The following DENND2B variants were observed in gnomAD, a reference collection of about 807,000 sequenced individuals.
DENND2B encodes the protein DENN domain-containing protein 2B.
Under a neutral mutation model 116.0 loss-of-function variants are expected in DENND2B, and 32 were observed. The observed-to-expected ratio is 0.28, with a 90% confidence interval of 0.21 to 0.37. DENND2B has a LOEUF of 0.37. Among genes scored for constraint, DENND2B ranks in the 10% least tolerant of loss-of-function variants. The pLI is 1.00. For missense variants in DENND2B, 1,276 were observed against 1,477.7 expected (o/e 0.86, Z 2.24); for synonymous variants, 588 against 583.9 (o/e 1.01, Z -0.10).
At chr11:8,735,146 A>G (rs1377308869) in intron 2 of DENND2B, among the ~76,000 whole-genome samples, 1 of 152,178 alleles carries the variant, frequency 6.6e-6, no homozygotes, top group African/African-American at 2.4e-5. Flanking sequence ...ACAATGTGGC[A>G]GTGGAAATTG....
intron 2 of DENND2B, among the ~76,000 whole-genome samples, chr11:8,745,725 T>A (rs1385992278): frequency 6.6e-6 from 1 of 152,236 alleles, no homozygotes; most frequent in Non-Finnish European, 1.5e-5. Context: ...CCTTGTTCTC[T>A]TGGGATTCTT....
chr11:8,706,943 G>T, intron 13 of DENND2B, 142 bp downstream of exon 13: 1 of 1,076,068 alleles, frequency 9.3e-7, no homozygotes, highest in Non-Finnish European at 1.3e-6. Flanking sequence ...TGCTCTTTTG[G>T]TCCCTAGTGA....
chr11:8,900,288 C>T (rs1049763758), intron 1 of DENND2B, among the ~76,000 whole-genome samples: 2 of 149,520 alleles, frequency 1.3e-5, no homozygotes, highest in African/African-American at 4.9e-5. Flanking sequence ...AAAAAATTAG[C>T]TGGGTGTGGT....
chr11:8,767,404 G>A (rs2056038008), intron 1 of DENND2B, among the ~76,000 whole-genome samples: 1 of 139,872 alleles, frequency 7.1e-6, no homozygotes, highest in South Asian at 2.5e-4. Context: ...CAGAAAATGA[G>A]AGACCCTGAG....
chr11:8,725,909 G>T (rs554841654), intron 4 of DENND2B, among the ~76,000 whole-genome samples, 164 bp downstream of exon 4: 32 of 152,296 alleles, frequency 2.1e-4, no homozygotes, highest in African/African-American at 7.7e-4. Flanking sequence ...AAGCCACTCT[G>T]TCTAAGCTAA....
At chr11:8,756,684 C>T (rs2053661114) in intron 1 of DENND2B, among the ~76,000 whole-genome samples, 2 of 152,346 alleles carry the variant, frequency 1.3e-5, no homozygotes, top group Admixed American at 6.5e-5. Flanking sequence ...GGCTTGAGGA[C>T]TCTCAGCATT....
intron 3 of DENND2B, among the ~76,000 whole-genome samples, chr11:8,852,557 G>A (rs2063046076): frequency 6.6e-6 from 1 of 152,200 alleles, no homozygotes; most frequent in Admixed American, 6.5e-5. Context: ...GATACTGTCT[G>A]GGAAGAGGCA....
At chr11:8,798,085 A>T (rs2059991723) in intron 1 of DENND2B, among the ~76,000 whole-genome samples, 1 of 151,878 alleles carries the variant, frequency 6.6e-6, no homozygotes, top group African/African-American at 2.4e-5. Context: ...CTTTTACATC[A>T]CCATTATATC....
At chr11:8,784,846 A>G (rs556092851) in intron 1 of DENND2B, among the ~76,000 whole-genome samples, 7 of 152,138 alleles carry the variant, frequency 4.6e-5, no homozygotes, top group African/African-American at 7.2e-5. Flanking sequence ...TCAAAAAAAA[A>G]AAAAGAAAAG....
chr11:8,731,723 CAAACAAG>C (rs972761195), intron 2 of DENND2B, among the ~76,000 whole-genome samples: 3 of 152,156 alleles, frequency 2.0e-5, no homozygotes, highest in Non-Finnish European at 4.4e-5. Flanking sequence ...ACCCCAAAAC[CAAACAAG>C]TCTGAACAAC....
At chr11:8,758,821 C>T (rs1361318982) in intron 1 of DENND2B, among the ~76,000 whole-genome samples, 2 of 152,184 alleles carry the variant, frequency 1.3e-5, no homozygotes, top group African/African-American at 4.8e-5. Flanking sequence ...GACCTCCCAA[C>T]CAGCAGGTAA....
chr11:8,776,293 T>C (rs1006008977), intron 1 of DENND2B: 26 of 452,168 alleles, frequency 5.8e-5, no homozygotes, highest in African/African-American at 5.2e-4. Context: ...GTGCTCTCCT[T>C]CTTCCTCTCT....
chr11:8,820,373 A>G (rs545624599), intron 4 of DENND2B, among the ~76,000 whole-genome samples: 1 of 152,332 alleles, frequency 6.6e-6, no homozygotes, highest in African/African-American at 2.4e-5. Flanking sequence ...CTTATCAATT[A>G]AAATGCTCAC....
intron 1 of DENND2B, among the ~76,000 whole-genome samples, chr11:8,791,466 A>T (rs544561426): frequency 6.6e-6 from 1 of 152,184 alleles, no homozygotes; most frequent in South Asian, 2.1e-4. Context: ...TGTAAACTTA[A>T]TCAGAAATAT....
intron 1 of DENND2B, chr11:8,785,389 G>A (rs1393601711): frequency 6.6e-6 from 1 of 152,222 alleles, no homozygotes; most frequent in Non-Finnish European, 1.5e-5. Flanking sequence ...AAACTCTTCT[G>A]TGGCTGAAAT....
chr11:8,811,110 G>C, upstream of DENND2B: 1 of 393,414 alleles, frequency 2.5e-6, no homozygotes, highest in Non-Finnish European at 4.5e-6. Flanking sequence ...GCTTCCTCTG[G>C]GTCCTGGAGC....
chr11:8,772,658 T>C (rs2134193090), intron 1 of DENND2B, among the ~76,000 whole-genome samples: 1 of 152,128 alleles, frequency 6.6e-6, no homozygotes, highest in East Asian at 1.9e-4. Context: ...AAATTAGATA[T>C]GGGATGGTGC....
chr11:8,731,341 C>T (rs1318243159), intron 2 of DENND2B, 132 bp from the exon 3 acceptor site: 2 of 879,972 alleles, frequency 2.3e-6, no homozygotes, highest in Admixed American at 6.5e-5. Flanking sequence ...GTATTCTATT[C>T]AAGTAATATA....
At chr11:8,867,691 TC>T (rs1362055277) in intron 2 of DENND2B, among the ~76,000 whole-genome samples, 6 of 145,172 alleles carry the variant, frequency 4.1e-5, no homozygotes, top group African/African-American at 7.5e-5. Flanking sequence ...TGATCGATCC[TC>T]CCACCTTAGC....
Sources: gnomAD v4.1 joint callset for allele counts (sites outside exome capture counted in the v4.1 genomes callset) on GRCh38, gnomAD v4.1.1 for gene constraint, MANE v1.5 for transcripts, NCBI Gene and HGNC (gene_info 2026-07-23, HGNC 2026-07-21) for gene names.